Variants in SLC6A18 observed in about 807,000 individuals in gnomAD.
SLC6A18 encodes inactive sodium-dependent neutral amino acid transporter B(0)AT3.
Under a neutral mutation model 62.9 loss-of-function variants are expected in SLC6A18, and 58 were observed. The observed-to-expected ratio is 0.92, with a 90% CI of 0.75 to 1.15. The LOEUF (loss-of-function observed/expected upper bound fraction) is 1.15. Among genes scored for constraint, SLC6A18 ranks in the 50% most tolerant of loss-of-function variants. The probability of loss-of-function intolerance (pLI) is 0.00; values close to 1 mark genes in which losing one functional copy is unlikely to be tolerated. For missense variants in SLC6A18, 793 were observed against 836.6 expected, an observed-to-expected ratio of 0.95 and a Z score of 0.64; for synonymous variants, 382 against 365.8, an observed-to-expected ratio of 1.04 and a Z score of -0.51.
At chr5:1,236,677 G>A (rs111567415) in intron 4 of SLC6A18, among the ~76,000 whole-genome samples, 2,760 of 152,162 alleles carry the variant, frequency 0.018, 88 homozygotes, top group African/African-American at 0.063. Context: ...ACCCTGGACC[G>A]TGCCTCCTGA....
intron 1 of SLC6A18, among the ~76,000 whole-genome samples, chr5:1,229,678 C>T (rs991211327): frequency 7.2e-5 from 11 of 152,358 alleles, no homozygotes; most frequent in South Asian, 2.1e-4. Context: ...AGTGTGGCCA[C>T]GAAGCCACTA....
In SLC6A18 at chr5:1,234,903, C is replaced by A. The variant is rs557363221; in HGVS notation, c.440-578C>A. Among the ~76,000 whole-genome samples, 38 of 152,332 alleles carry A rather than the reference C, an allele frequency of 2.5e-4. No individual in the cohort carries two copies. The South Asian group carries it at 7.7e-3, about 31-fold the overall frequency. On this transcript the variant is annotated intron_variant, in intron 3 of 11. Transcript: ENST00000324642. The stretch of plus-strand genomic sequence containing the variant: ...ATCCTCAGACTTTTCCATGAGGGGC[C>A]CCCCACATTTCCCCAGTCAAGTGTC...
chr5:1,240,767 T>C, intron 7 of SLC6A18, 108 bp downstream of exon 7: 2 of 1,479,836 alleles, frequency 1.4e-6, no homozygotes, highest in Non-Finnish European at 1.8e-6. Flanking sequence ...CACATTTCAT[T>C]TCTGTAGGGG....
intron 1 of SLC6A18, among the ~76,000 whole-genome samples, chr5:1,228,766 G>A (rs4392671): frequency 0.041 from 6,278 of 152,318 alleles, 186 homozygotes; most frequent in Non-Finnish European, 0.057. Flanking sequence ...TGGCTACCCA[G>A]GAGGCTGAGG....
chr5:1,238,532 TCA>T lies in SLC6A18; in HGVS notation c.732+473_732+474del, dbSNP rs1461148991. Among the ~76,000 whole-genome samples the T allele has an allele frequency of 6.2e-4, 27 of 43,708 alleles. 1 individual carries two copies. Among genetic ancestry groups the T allele is most frequent in the Non-Finnish European group, 8.7e-4 (20 of 23,028 alleles). 28.7% of individuals were successfully genotyped at this position (43,708 alleles called of 152,430 possible). ...TCAGGTTTGGAGTGAGCCAGGGGCC[TCA>T]GGAAAGAGGTCAGGTTTGGAGTGAG... On this transcript the variant is annotated intron_variant, in intron 5 of 11. Coordinates refer to ENST00000324642, the MANE Select transcript of SLC6A18 (RefSeq NM_182632.3).
At chr5:1,230,165 G>A (rs1438189300) in intron 1 of SLC6A18, among the ~76,000 whole-genome samples, 1 of 136,506 alleles carries the variant, frequency 7.3e-6, no homozygotes, top group East Asian at 2.0e-4. Context: ...GGTCGTGGGG[G>A]AGGGAAGAGG....
At chr5:1,238,222 G>A (rs1351809168) in intron 5 of SLC6A18, among the ~76,000 whole-genome samples, 162 bp downstream of exon 5, 2 of 152,016 alleles carry the variant, frequency 1.3e-5, no homozygotes, top group Non-Finnish European at 2.9e-5. Flanking sequence ...ATGGCGTGGC[G>A]GGAGGGGGGC....
intron 1 of SLC6A18, among the ~76,000 whole-genome samples, chr5:1,227,290 G>T (rs1228207284): frequency 1.3e-5 from 2 of 152,226 alleles, no homozygotes. Flanking sequence ...AAGCTGGGGA[G>T]GCCCCCACCT....
At chr5:1,244,416 G>C (rs1313669022) in intron 10 of SLC6A18, 43 bp downstream of exon 10, 1 of 1,608,410 alleles carries the variant, frequency 6.2e-7, no homozygotes, top group African/African-American at 1.3e-5. Flanking sequence ...GACCCACCAG[G>C]GTGGGACAGG....
rs1271093647 is a variant in SLC6A18, at chr5:1,228,946, C to T, written c.161-3273C>T. Among the ~76,000 whole-genome samples the T allele has an allele frequency of 3.9e-5, 6 of 152,312 alleles. No homozygotes were observed. In the East Asian group the frequency reaches 1.2e-3, roughly 29 times the overall value. On this transcript the variant is annotated intron_variant, in intron 1 of 11. Transcript: ENST00000324642. ...TCAACGCTTCTTCTTCCTTCAAATTCGGAAAAAATGCATGGACTGACTGTC... is the reference window on the plus strand; with the variant it reads ...TCAACGCTTCTTCTTCCTTCAAATTTGGAAAAAATGCATGGACTGACTGTC...
At chr5:1,229,418 C>T (rs1344152416) in intron 1 of SLC6A18, among the ~76,000 whole-genome samples, 4 of 152,212 alleles carry the variant, frequency 2.6e-5, no homozygotes, top group African/African-American at 7.2e-5. Context: ...TCTTTCCCTT[C>T]GATGATCTTG....
intron 5 of SLC6A18, among the ~76,000 whole-genome samples, chr5:1,238,914 A>G (rs1196680442): frequency 1.3e-5 from 2 of 152,308 alleles, no homozygotes; most frequent in South Asian, 4.1e-4. Flanking sequence ...AGCATTCTGT[A>G]CTATCCCAGA....
rs984323955 is a variant in SLC6A18, at chr5:1,241,397, G to T, written c.974+738G>T. Among the ~76,000 whole-genome samples the T allele has an allele frequency of 6.6e-6, 1 of 152,188 alleles. No homozygotes were observed. On this transcript the variant is annotated intron_variant, in intron 7 of 11. Coordinates refer to ENST00000324642, the MANE Select transcript of SLC6A18 (RefSeq NM_182632.3). This position sits in a 1 kb window ranked among gnomAD's most constrained non-coding sequence, Gnocchi z 7.8. ...TTTGATTGGCCACACTTGTGTGAGG[G>T]GTGTGCCTGGCATCCAGTGGGTGGA...
intron 3 of SLC6A18, 131 bp from the exon 4 acceptor site, chr5:1,235,350 A>G (rs554936239): frequency 9.6e-6 from 8 of 831,136 alleles, no homozygotes; most frequent in Admixed American, 2.9e-5. Flanking sequence ...CCTGGGCCCA[A>G]AAAGAAGTGA....
chr5:1,238,560 C>T (rs1746961594), intron 5 of SLC6A18, among the ~76,000 whole-genome samples: 1 of 41,170 alleles, frequency 2.4e-5, no homozygotes, highest in South Asian at 5.8e-4. Context: ...TTGGAGTGAG[C>T]TTGGGGCCTC....
intron 6 of SLC6A18, 95 bp from the exon 7 acceptor site, chr5:1,240,436 A>G (rs937369157): frequency 2.8e-5 from 43 of 1,548,124 alleles, no homozygotes; most frequent in East Asian, 1.8e-4. Context: ...GGCGGGAGAG[A>G]GGGTCAAGGA....
At chr5:1,235,684 TC>T (rs775462114) in intron 4 of SLC6A18, 22 bp downstream of exon 4, 79 of 1,612,846 alleles carry the variant, frequency 4.9e-5, no homozygotes, top group South Asian at 1.8e-4. Flanking sequence ...CAGGGCCTGA[TC>T]CCCTCTCTTG....
chr5:1,237,834 A>T, intron 4 of SLC6A18, 116 bp from the exon 5 acceptor site: 1 of 775,040 alleles, frequency 1.3e-6, no homozygotes, highest in Non-Finnish European at 2.2e-6. Flanking sequence ...TCAATCCCAT[A>T]CCAGAGGCAG....
At position 1,244,311 on chromosome 5, in the gene SLC6A18, G is replaced by T; in HGVS notation, c.1434G>T (p.Pro478=). The T allele has an allele frequency of 6.2e-7, 1 of 1,614,100 alleles. No homozygotes were observed. ...LEIFDNFAAS[P]NLLMLAFLEV... ...TTTTCGACAATTTTGCCGCTTCCCC[G>T]AACCTGCTCATGTTGGCCTTTCTCG... The change falls in exon 10 of 12, where the codon CCG becomes CCT. Residue 478 remains proline, a synonymous_variant. Transcript: ENST00000324642.
Sources: allele counts gnomAD v4.1 joint callset (sites outside exome capture counted in the v4.1 genomes callset), GRCh38; gene constraint gnomAD v4.1.1; non-coding constraint Gnocchi (gnomAD v3.1); transcripts MANE v1.5; gene names NCBI Gene and HGNC (gene_info 2026-07-23, HGNC 2026-07-21).